The following CYB5R2 variants were observed in gnomAD, a reference collection of about 807,000 sequenced individuals.
CYB5R2 encodes NADH-cytochrome b5 reductase 2.
A neutral mutation model predicts 29.8 loss-of-function variants in CYB5R2; 35 were observed. The ratio of observed to expected loss-of-function variants is 1.17; its 90% CI spans 0.90 to 1.56. CYB5R2 has a LOEUF of 1.56. Ranked by LOEUF, CYB5R2 falls within the 40% of genes most tolerant of loss-of-function variation. The pLI is 0.00. For missense variants in CYB5R2, 419 were observed against 346.7 expected (o/e 1.21, Z -1.66); for synonymous variants, 169 against 130.6 (o/e 1.29, Z -2.01).
In CYB5R2 at chr11:7,666,313, T is replaced by C; in HGVS notation, c.658+138A>G. The C allele has an allele frequency of 4.8e-6, 3 of 629,868 alleles. 1 individual carries two copies. The highest frequency in any genetic ancestry group is 8.5e-6 in the Non-Finnish European group (3 of 351,090). 39.0% of individuals were successfully genotyped at this position (629,868 alleles called of 1,614,324 possible). Reference sequence around the variant, plus strand: ...CTCCCTCAATTTCTCACATTTCCCATCTGGAGCCAGAGCCCCAGGCTTAAC... The same window carrying C: ...CTCCCTCAATTTCTCACATTTCCCACCTGGAGCCAGAGCCCCAGGCTTAAC... On this transcript the variant is annotated intron_variant, in intron 8 of 8. Transcript: ENST00000299498.
upstream of CYB5R2, chr11:7,674,162 G>C (rs1032510897): frequency 3.2e-6 from 4 of 1,235,060 alleles, no homozygotes; most frequent in African/African-American, 6.2e-5. Context: ...GGCGGAGGGG[G>C]ATGCTGGGGA....
intron 5 of CYB5R2, 84 bp downstream of exon 5, chr11:7,669,121 A>G: frequency 6.4e-7 from 1 of 1,550,822 alleles, no homozygotes. Flanking sequence ...ATGTGACTCA[A>G]ATCTGAGGAG....
At position 7,665,511 on chromosome 11, in the gene CYB5R2, T is replaced by G. The variant is rs1432230553; in HGVS notation, c.694A>C (p.Met232Leu). The change falls in exon 9 of 9, where the codon ATG (methionine) becomes CTG (leucine). Residue 232 changes from methionine to leucine, a missense_variant. Transcript: ENST00000299498. ...KYSSGFVTAD[M>L]IKEHLPPPAK... ...GGAGGAGGAAGGTGCTCCTTGATCA[T>G]GTCGGCAGTAACGAAGCCTGAGCTG... The G allele has an allele frequency of 6.2e-7, 1 of 1,613,090 alleles. No individual in the cohort carries two copies. The highest frequency in any genetic ancestry group is 1.1e-5 in the South Asian group (1 of 90,884).
At chr11:7,666,991 T>C (rs1195966964) in intron 7 of CYB5R2, 1 of 153,588 alleles carries the variant, frequency 6.5e-6, no homozygotes, top group Admixed American at 6.5e-5. Flanking sequence ...CAGCACTGGA[T>C]ATGTGAAGGA....
intron 6 of CYB5R2, 139 bp downstream of exon 6, chr11:7,668,339 C>G (rs1423203561): frequency 2.6e-6 from 2 of 765,770 alleles, no homozygotes; most frequent in African/African-American, 3.4e-5. Context: ...GTTTCAAGAC[C>G]TGTCACTGGT....
intron 6 of CYB5R2, 100 bp from the exon 7 acceptor site, chr11:7,667,913 C>T (rs753482040): frequency 6.0e-5 from 58 of 963,680 alleles, no homozygotes; most frequent in Middle Eastern, 2.2e-4. Context: ...CCCAAGTTAT[C>T]CTTTTCTCAC....
Position 7,669,309 on chromosome 11 carries a change from T to G in CYB5R2, c.284A>C (p.Gln95Pro). ...IKIYFKNVHP[Q>P]YPEGGKMTQY... ...AGTCATCTTCCCACCTTCAGGATAT[T>G]GGGGGTGTACATTTTTGAAGTAGAT... Residue 95 changes from glutamine (Q) to proline (P), a missense_variant, in exon 5 of 9, where the codon CAA (glutamine) becomes CCA (proline). Transcript: ENST00000299498. The G allele has an allele frequency of 1.2e-6, 2 of 1,613,554 alleles. No individual in the cohort carries two copies. The highest frequency in any genetic ancestry group is 2.7e-5 in the African/African-American group (2 of 74,998).
intron 7 of CYB5R2, chr11:7,667,298 A>C (rs1247714467): frequency 6.6e-6 from 1 of 151,032 alleles, no homozygotes; most frequent in African/African-American, 2.4e-5. Context: ...AAGCATCTTA[A>C]AGAGAAGAAA....
In CYB5R2 at chr11:7,665,512, G is replaced by A. The variant is rs375586463; in HGVS notation, c.693C>T (p.Asp231=). The A allele has an allele frequency of 3.7e-6, 6 of 1,613,038 alleles. No homozygotes were observed. The South Asian group carries it at 4.4e-5, about 12-fold the overall frequency. ...WKYSSGFVTA[D]MIKEHLPPPA... The stretch of plus-strand genomic sequence containing the variant: ...GAGGAGGAAGGTGCTCCTTGATCAT[G>A]TCGGCAGTAACGAAGCCTGAGCTGT... Residue 231 remains aspartate, a synonymous_variant, in exon 9 of 9, where the codon GAC becomes GAT. Coordinates refer to ENST00000299498, the MANE Select transcript of CYB5R2 (RefSeq NM_016229.5).
At chr11:7,669,408 T>G (rs756689273) in intron 4 of CYB5R2, 74 bp from the exon 5 acceptor site, 13 of 1,519,768 alleles carry the variant, frequency 8.6e-6, no homozygotes, top group Non-Finnish European at 1.2e-5. Context: ...GAAAATGCAT[T>G]TACTGCTGGA....
chr11:7,673,744 C>A, upstream of CYB5R2: 5 of 985,690 alleles, frequency 5.1e-6, no homozygotes, highest in Non-Finnish European at 4.8e-6. Context: ...AACACGTCGT[C>A]GAACTGGGGT....
chr11:7,667,877 G>A (rs1855419352), intron 6 of CYB5R2, 64 bp from the exon 7 acceptor site: 1 of 1,335,360 alleles, frequency 7.5e-7, no homozygotes, highest in Non-Finnish European at 1.1e-6. Flanking sequence ...TCCCTGACCT[G>A]CAGCAAGCTT....
At chr11:7,673,830 A>G (rs1855919996), upstream of CYB5R2, 2 of 986,802 alleles carry the variant, frequency 2.0e-6, no homozygotes, top group Non-Finnish European at 2.4e-6. Context: ...CCGACGGGGA[A>G]CCGGCCGAGA....
In CYB5R2 at chr11:7,669,665, G is replaced by A; in HGVS notation, c.218C>T (p.Ser73Phe). 6.2e-7 allele frequency: 1 copy of A among 1,612,378 alleles called. No individual in the cohort carries two copies. The highest frequency in any genetic ancestry group is 1.3e-5 in the African/African-American group (1 of 74,942). Residue 73 changes from serine to phenylalanine, a missense_variant, in exon 4 of 9, where the codon TCC (serine) becomes TTC (phenylalanine). Transcript: ENST00000299498. ...ELVVRAYTPV[S>F]SDDDRGFVDL... ...CACAAAGCCTCTGTCATCATCACTG[G>A]AGACAGGGGTGTAAGCCCTGACCAC... is the stretch of plus-strand genomic sequence containing the variant.
At chr11:7,667,493 A>G (rs778940269) in intron 7 of CYB5R2, 10 of 413,130 alleles carry the variant, frequency 2.4e-5, no homozygotes, top group Non-Finnish European at 4.3e-5. Context: ...TTAAGGAAAA[A>G]AGGAATGCTT....
chr11:7,666,588 C>A (rs1855253357), intron 7 of CYB5R2, 38 bp from the exon 8 acceptor site: 1 of 1,475,904 alleles, frequency 6.8e-7, no homozygotes, highest in Non-Finnish European at 9.5e-7. Context: ...CCCTCCAGGG[C>A]CATCCTCTTG....
chr11:7,673,584 G>A (rs1369525595), upstream of CYB5R2: 1 of 984,610 alleles, frequency 1.0e-6, no homozygotes, highest in African/African-American at 1.8e-5. Context: ...CTCCCGCTCC[G>A]GCCCCCAACC....
chr11:7,668,345 C>G (rs754749637), intron 6 of CYB5R2, 133 bp downstream of exon 6: 2 of 781,096 alleles, frequency 2.6e-6, no homozygotes, highest in Non-Finnish European at 4.6e-6. Context: ...AGACCTGTCA[C>G]TGGTTCATCG....
chr11:7,667,576 C>G lies in CYB5R2; in HGVS notation c.558+152G>C. 3 of 709,654 alleles carry G rather than the reference C, an allele frequency of 4.2e-6. No individual in the cohort carries two copies. In the South Asian group the frequency reaches 5.2e-5, roughly 12 times the overall value. The allele number at this position is 709,654 out of a possible 1,614,324, so 44.0% of individuals were successfully genotyped here. ...AAAAGCAGGCCTGGACTCAGCTTCT[C>G]CAGCTGCCAGCAGCCCTGTTGATCC... On this transcript the variant is annotated intron_variant, in intron 7 of 8. Coordinates refer to ENST00000299498, the MANE Select transcript of CYB5R2 (RefSeq NM_016229.5).
Sources: gnomAD v4.1 joint callset for allele counts on GRCh38, gnomAD v4.1.1 for gene constraint, MANE v1.5 for transcripts, NCBI Gene and HGNC (gene_info 2026-07-23, HGNC 2026-07-21) for gene names.